ELMO1: variants seen among roughly 807,000 people sequenced by gnomAD.
ELMO1 encodes engulfment and cell motility 1.
Under a neutral mutation model 98.9 loss-of-function variants are expected in ELMO1, and 26 were observed. That is an observed-to-expected ratio of 0.26 (90% CI 0.19 to 0.36). The LOEUF is 0.36. Among genes scored for constraint, ELMO1 ranks in the 10% least tolerant of loss-of-function variants. The probability of loss-of-function intolerance (pLI) is 1.00; values close to 1 mark genes in which losing one functional copy is unlikely to be tolerated. For missense variants in ELMO1, 627 were observed against 935.2 expected (o/e 0.67, Z 4.30); for synonymous variants, 346 against 346.0 (o/e 1.00, Z 0.00).
intron 16 of ELMO1, among the ~76,000 whole-genome samples, chr7:36,936,813 T>C (rs1786572797): frequency 6.6e-6 from 1 of 152,158 alleles, no homozygotes; most frequent in African/African-American, 2.4e-5. Context: ...TGAAAGCATA[T>C]GAAAAGCTAA....
intron 14 of ELMO1, 141 bp downstream of exon 14, chr7:37,132,989 A>AT (rs5883589): frequency 0.043 from 19,193 of 449,450 alleles, 122 homozygotes; most frequent in Non-Finnish European, 0.05. Context: ...CTTAATTCTG[A>AT]TTTTTTTTTT....
intron 14 of ELMO1, among the ~76,000 whole-genome samples, chr7:37,098,971 C>T (rs1784502478): frequency 6.6e-6 from 1 of 152,186 alleles, no homozygotes; most frequent in South Asian, 2.1e-4. Flanking sequence ...ATTTCATGAG[C>T]ACATTAATAT....
intron 9 of ELMO1, among the ~76,000 whole-genome samples, chr7:37,224,089 GCTACT>G (rs1421982624): frequency 1.4e-4 from 21 of 152,316 alleles, no homozygotes; most frequent in South Asian, 6.2e-4. Flanking sequence ...TCAAGGCTTA[GCTACT>G]TATGTCATTT....
chr7:37,014,415 G>T (rs951345480), intron 15 of ELMO1, among the ~76,000 whole-genome samples: 7 of 151,878 alleles, frequency 4.6e-5, no homozygotes, highest in African/African-American at 1.7e-4. Context: ...TATTTTATTT[G>T]GAATCTCTTT....
At chr7:36,858,218 A>G (rs1266331964) in intron 21 of ELMO1, among the ~76,000 whole-genome samples, 3 of 152,206 alleles carry the variant, frequency 2.0e-5, no homozygotes, top group Admixed American at 6.5e-5. Flanking sequence ...GTTTCTCTTT[A>G]TATATCCCTT....
At position 37,202,130 on chromosome 7, in the gene ELMO1, T is replaced by A. The variant is rs111614662; in HGVS notation, c.1086+9256A>T. 3.9e-5 allele frequency among the ~76,000 whole-genome samples: 6 copies of A among 152,352 alleles called. 2 individuals carry two copies. The highest frequency in any genetic ancestry group is 1.4e-4 in the African/African-American group (6 of 41,590). ...TAGCTATAACTGTATAAGATTTCAG[T>A]AAATGTGTGTTTTTAAATATACTGT... On this transcript the variant is annotated intron_variant, in intron 13 of 21. Transcript: ENST00000310758.
chr7:37,360,882 G>A (rs565169286), intron 1 of ELMO1, among the ~76,000 whole-genome samples: 77 of 152,214 alleles, frequency 5.1e-4, no homozygotes, highest in African/African-American at 1.4e-3. Context: ...GCAAAACTAT[G>A]AGAATAAGAG....
chr7:37,077,721 G>A (rs575672525), intron 15 of ELMO1, among the ~76,000 whole-genome samples: 5 of 152,278 alleles, frequency 3.3e-5, no homozygotes, highest in South Asian at 2.1e-4. Context: ...AGTTTCAGGC[G>A]CCAACAACGG....
chr7:37,049,672 C>T (rs1485764628), intron 15 of ELMO1, among the ~76,000 whole-genome samples: 1 of 151,974 alleles, frequency 6.6e-6, no homozygotes, highest in African/African-American at 2.4e-5. Flanking sequence ...TCACAGATTT[C>T]CTATGAAGGT....
intron 5 of ELMO1, among the ~76,000 whole-genome samples, chr7:37,268,628 T>C (rs1420766576): frequency 6.6e-6 from 1 of 152,154 alleles, no homozygotes; most frequent in East Asian, 1.9e-4. Context: ...AGGAGATAGA[T>C]AAAGATACCA....
At chr7:37,180,750 T>C (rs1790804037) in intron 13 of ELMO1, among the ~76,000 whole-genome samples, 2 of 152,134 alleles carry the variant, frequency 1.3e-5, no homozygotes, top group East Asian at 1.9e-4. Flanking sequence ...TCTAAAGTGT[T>C]TTTTTGGGGA....
chr7:36,891,423 A>T (rs1805537791), intron 17 of ELMO1, among the ~76,000 whole-genome samples: 1 of 152,146 alleles, frequency 6.6e-6, no homozygotes, highest in Non-Finnish European at 1.5e-5. Context: ...GAGGATGCAG[A>T]TTTGCAGGGT....
chr7:36,891,684 C>T (rs1190082130), intron 17 of ELMO1, among the ~76,000 whole-genome samples: 1 of 152,170 alleles, frequency 6.6e-6, no homozygotes, highest in Non-Finnish European at 1.5e-5. Context: ...CTGTCAAATC[C>T]TTATGACAAT....
intron 15 of ELMO1, among the ~76,000 whole-genome samples, chr7:37,043,092 C>T (rs887184063): frequency 6.6e-6 from 1 of 152,208 alleles, no homozygotes; most frequent in Non-Finnish European, 1.5e-5. Context: ...ACAGTGTTCA[C>T]TGTGGCAGGT....
chr7:37,200,190 C>T (rs1327534702), intron 13 of ELMO1, among the ~76,000 whole-genome samples: 1 of 152,022 alleles, frequency 6.6e-6, no homozygotes, highest in Non-Finnish European at 1.5e-5. Context: ...CCTCCTGCCT[C>T]AGCCTCCCAA....
In ELMO1 at chr7:37,250,902, A is replaced by G. The variant is rs559589733; in HGVS notation, c.414-6511T>C. Among the ~76,000 whole-genome samples the G allele has an allele frequency of 6.6e-5, 10 of 152,124 alleles. No individual in the cohort carries two copies. In the South Asian group the frequency reaches 1.0e-3, roughly 16 times the overall value. On this transcript the variant is annotated intron_variant, in intron 6 of 21. Coordinates refer to ENST00000310758, the MANE Select transcript of ELMO1 (RefSeq NM_014800.11). ...CCCAGGGTGGTGTTACAGCTTACTCATATTCCAGCAGCGTAATTTTCCCAT... is the reference window on the plus strand; with the variant it reads ...CCCAGGGTGGTGTTACAGCTTACTCGTATTCCAGCAGCGTAATTTTCCCAT...
At chr7:37,207,262 T>C (rs1792684664) in intron 13 of ELMO1, among the ~76,000 whole-genome samples, 1 of 152,164 alleles carries the variant, frequency 6.6e-6, no homozygotes, top group Admixed American at 6.5e-5. Context: ...AAAAATAGCA[T>C]TATCCCGGCA....
intron 16 of ELMO1, among the ~76,000 whole-genome samples, chr7:36,933,281 T>C (rs1257437630): frequency 1.3e-5 from 2 of 152,154 alleles, no homozygotes; most frequent in Admixed American, 6.5e-5. Flanking sequence ...GAGTGTATAA[T>C]GGCATTTTTA....
chr7:37,119,558 A>G (rs970097151), intron 14 of ELMO1, among the ~76,000 whole-genome samples: 2 of 152,190 alleles, frequency 1.3e-5, no homozygotes, highest in African/African-American at 4.8e-5. Context: ...ACCCACTTAA[A>G]GGTTTTAAAA....
Sources: allele counts gnomAD v4.1 joint callset (sites outside exome capture counted in the v4.1 genomes callset), GRCh38; gene constraint gnomAD v4.1.1; transcripts MANE v1.5; gene names NCBI Gene and HGNC (gene_info 2026-07-23, HGNC 2026-07-21).